Variants in MAP2 observed in about 807,000 individuals in gnomAD.
MAP2 encodes the protein microtubule-associated protein 2.
In MAP2, 14 loss-of-function variants were observed where a neutral mutation model predicts 137.6. The observed-to-expected ratio is 0.10, with a 90% CI of 0.07 to 0.16. The LOEUF (loss-of-function observed/expected upper bound fraction) is 0.16. Ranked by LOEUF, MAP2 falls within the 10% of genes least tolerant of loss-of-function variation. The pLI is 1.00. For missense variants in MAP2, 2,088 were observed against 2,191.5 expected, an observed-to-expected ratio of 0.95 and a Z score of 0.94; for synonymous variants, 786 against 782.3, an observed-to-expected ratio of 1.00 and a Z score of -0.08.
rs192376802 is a variant in MAP2 at position 209,475,391 on chromosome 2, T to C, written c.-221-32201T>C. Among the ~76,000 whole-genome samples, 383 of 152,218 alleles carry C rather than the reference T, an allele frequency of 2.5e-3. 2 individuals are homozygous for C. Among genetic ancestry groups the C allele is most frequent in the Middle Eastern group, 0.01 (3 of 294 alleles). On this transcript the variant is annotated intron_variant, in intron 1 of 15. Transcript: ENST00000682079. ...CTGAAAGGCCAAATACTCCCTTTCA[T>C]CTCTGCTCAGTGCAATTGTCCTGAA...
At chr2:209,621,828 C>A (rs896978356) in intron 3 of MAP2, among the ~76,000 whole-genome samples, 2 of 152,156 alleles carry the variant, frequency 1.3e-5, no homozygotes, top group Non-Finnish European at 2.9e-5. Flanking sequence ...ATAACTTGGA[C>A]ATAAATATGA....
At chr2:209,514,823 T>C (rs1207098383) in intron 2 of MAP2, among the ~76,000 whole-genome samples, 1 of 152,124 alleles carries the variant, frequency 6.6e-6, no homozygotes, top group Non-Finnish European at 1.5e-5. Flanking sequence ...GTATCCATTG[T>C]GTATTAGAAA....
chr2:209,627,950 T>G (rs779467917), intron 4 of MAP2, among the ~76,000 whole-genome samples: 1 of 152,204 alleles, frequency 6.6e-6, no homozygotes, highest in African/African-American at 2.4e-5. Flanking sequence ...ACAAAATCTT[T>G]GCAATCATTT....
chr2:209,464,810 T>C (rs1464859797), intron 1 of MAP2, among the ~76,000 whole-genome samples: 1 of 152,124 alleles, frequency 6.6e-6, no homozygotes, highest in Non-Finnish European at 1.5e-5. Flanking sequence ...AAATTGCCTG[T>C]GTTCCCCCAA....
intron 2 of MAP2, among the ~76,000 whole-genome samples, chr2:209,546,397 G>A (rs940920623): frequency 1.3e-5 from 2 of 152,154 alleles, no homozygotes; most frequent in Non-Finnish European, 2.9e-5. Flanking sequence ...ATGTAGTTAT[G>A]TAATATGTAA....
intron 4 of MAP2, among the ~76,000 whole-genome samples, chr2:209,628,722 T>C: frequency 6.6e-6 from 1 of 152,206 alleles, no homozygotes; most frequent in East Asian, 1.9e-4. Flanking sequence ...ATGCTACATA[T>C]ACTGGCATCT....
intron 1 of MAP2, among the ~76,000 whole-genome samples, chr2:209,475,261 G>A (rs1242726642): frequency 6.6e-6 from 1 of 152,012 alleles, no homozygotes; most frequent in Non-Finnish European, 1.5e-5. Context: ...TCTTAAAAAT[G>A]CATACTTGTA....
chr2:209,674,246 A>G (rs2050214839), intron 5 of MAP2, among the ~76,000 whole-genome samples: 2 of 151,812 alleles, frequency 1.3e-5, no homozygotes, highest in South Asian at 4.1e-4. Flanking sequence ...TCTTTCTTTA[A>G]AGTAGAAATA....
chr2:209,671,174 G>T (rs1042088251), intron 5 of MAP2, among the ~76,000 whole-genome samples: 2 of 151,898 alleles, frequency 1.3e-5, no homozygotes, highest in Admixed American at 6.6e-5. Context: ...TAGCTGCAAT[G>T]TTGGCCAGTG....
chr2:209,690,755 G>A, intron 7 of MAP2: 2 of 1,289,838 alleles, frequency 1.6e-6, no homozygotes, highest in Non-Finnish European at 2.0e-6. Flanking sequence ...AGTTCCCGAA[G>A]AGAGTGCCCC....
intron 4 of MAP2, among the ~76,000 whole-genome samples, chr2:209,638,776 C>T (rs2093771474): frequency 6.6e-6 from 1 of 152,094 alleles, no homozygotes; most frequent in African/African-American, 2.4e-5. Flanking sequence ...TCAAACACAT[C>T]TGCCTTTCTG....
intron 3 of MAP2, among the ~76,000 whole-genome samples, chr2:209,615,011 A>G (rs1356775047): frequency 6.6e-6 from 1 of 152,104 alleles, no homozygotes; most frequent in Middle Eastern, 3.2e-3. Context: ...CACAGCCTGT[A>G]TTTCCCTCTC....
At chr2:209,507,814 T>A (rs1251235538) in intron 2 of MAP2, among the ~76,000 whole-genome samples, 173 bp downstream of exon 2, 1 of 152,144 alleles carries the variant, frequency 6.6e-6, no homozygotes, top group Non-Finnish European at 1.5e-5. Flanking sequence ...GTTCCCTAAG[T>A]ACTGTTTTTC....
intron 11 of MAP2, among the ~76,000 whole-genome samples, chr2:209,700,742 A>G (rs1022297899): frequency 6.6e-6 from 1 of 152,170 alleles, no homozygotes; most frequent in Admixed American, 6.6e-5. Flanking sequence ...CACTGCACAC[A>G]AGCAGAAAGA....
intron 3 of MAP2, among the ~76,000 whole-genome samples, chr2:209,613,362 GA>G (rs1442844659): frequency 6.6e-6 from 1 of 152,078 alleles, no homozygotes; most frequent in African/African-American, 2.4e-5. Context: ...GAAATAGAAT[GA>G]ATGTGAAATG....
At chr2:209,657,265 G>T (rs575013570) in intron 5 of MAP2, among the ~76,000 whole-genome samples, 5 of 152,136 alleles carry the variant, frequency 3.3e-5, no homozygotes, top group Non-Finnish European at 7.3e-5. Flanking sequence ...TTGATATAAT[G>T]ATTTATTTTC....
At chr2:209,553,167 A>G (rs1177977402) in intron 2 of MAP2, among the ~76,000 whole-genome samples, 1 of 151,376 alleles carries the variant, frequency 6.6e-6, no homozygotes, top group Admixed American at 6.6e-5. Flanking sequence ...ACCCACCACC[A>G]CGCCCGGCTA....
At chr2:209,550,663 TAATA>T (rs975947005) in intron 2 of MAP2, among the ~76,000 whole-genome samples, 4 of 152,136 alleles carry the variant, frequency 2.6e-5, no homozygotes, top group African/African-American at 9.6e-5. Context: ...TTTAGATGAT[TAATA>T]AATAATCAAG....
chr2:209,669,782 C>G (rs773639008), intron 5 of MAP2, among the ~76,000 whole-genome samples: 4 of 151,788 alleles, frequency 2.6e-5, no homozygotes, highest in Non-Finnish European at 5.9e-5. Context: ...TGCATACACA[C>G]ACACACACGC....
Sources: allele counts gnomAD v4.1 joint callset (sites outside exome capture counted in the v4.1 genomes callset), GRCh38; gene constraint gnomAD v4.1.1; transcripts MANE v1.5; gene names NCBI Gene and HGNC (gene_info 2026-07-23, HGNC 2026-07-21).